Variants in C14orf39 observed in about 807,000 individuals in gnomAD.
The protein encoded by C14orf39 is protein SIX6OS1.
C14orf39 carries 66 observed loss-of-function variants against 85.6 expected under a neutral mutation model. That is an observed-to-expected ratio of 0.77 (90% CI 0.63 to 0.95). C14orf39 has a LOEUF of 0.95. C14orf39 is among the 40% of genes least tolerant of loss of function. The pLI is 0.00. For missense variants in C14orf39, 735 were observed against 663.9 expected (o/e 1.11, Z -1.18); for synonymous variants, 242 against 214.0 (o/e 1.13, Z -1.14).
chr14:60,490,438 T>TATAAATAA (rs761040121), upstream of C14orf39, among the ~76,000 whole-genome samples: 9 of 105,276 alleles, frequency 8.5e-5, no homozygotes, highest in African/African-American at 1.7e-4. Context: ...AACCCATCTC[T>TATAAATAA]ATAAATAAAT....
intron 1 of C14orf39, among the ~76,000 whole-genome samples, chr14:60,503,399 G>A (rs552868115): frequency 2.1e-4 from 32 of 152,204 alleles, no homozygotes; most frequent in African/African-American, 7.7e-4. Context: ...CCTTACACAC[G>A]GCAGGCATTA....
intron 16 of C14orf39, among the ~76,000 whole-genome samples, chr14:60,446,658 C>T (rs1890779388): frequency 6.6e-6 from 1 of 152,124 alleles, no homozygotes; most frequent in African/African-American, 2.4e-5. Flanking sequence ...GAAACTATTC[C>T]AATCAATAGA....
intron 16 of C14orf39, among the ~76,000 whole-genome samples, chr14:60,442,758 G>A (rs1890582009): frequency 6.6e-6 from 1 of 152,044 alleles, no homozygotes; most frequent in Admixed American, 6.5e-5. Context: ...AGTCACATGT[G>A]AATAAACACT....
intron 3 of C14orf39, 33 bp from the exon 4 acceptor site, chr14:60,483,850 A>G: frequency 7.2e-7 from 1 of 1,387,502 alleles, no homozygotes; most frequent in East Asian, 2.4e-5. Flanking sequence ...TTCTTAATGT[A>G]GAAATAATAA....
At position 60,491,093 on chromosome 14, in the gene C14orf39, G is replaced by GT. The variant is rs1208873929; in HGVS notation, c.-8-6008dup. Among the ~76,000 whole-genome samples the GT allele has an allele frequency of 6.6e-6, 1 of 152,146 alleles. No individual in the cohort carries two copies. Among genetic ancestry groups the GT allele is most frequent in the African/African-American group, 2.4e-5 (1 of 41,418 alleles). On this transcript the variant is annotated intron_variant, in intron 2 of 5. Coordinates refer to the C14orf39 transcript ENST00000556799. The surrounding 1 kb of genome is among the most constrained non-coding windows in gnomAD (Gnocchi z 4.5). ...CACCTATCCTGAGTTCCAGACCCAC[G>GT]TATCTAATTGCTGACGTGATAAGCT...
rs748322684 is a variant in C14orf39, at chr14:60,483,713, CCTCA to C, written c.207_210del (p.Ser69ArgfsTer53). On this transcript the variant is annotated frameshift_variant, in exon 4 of 18. Coordinates refer to ENST00000321731, the MANE Select transcript of C14orf39 (RefSeq NM_174978.3). LOFTEE classifies it high-confidence loss of function. ...CACTTTCTACAGTTGTCTTTAATCT[CCTCA>C]CTATGTTTACAGTAATGATCAATTT... The C allele has an allele frequency of 1.6e-5, 26 of 1,596,624 alleles. No homozygotes were observed. Among genetic ancestry groups the C allele is most frequent in the Non-Finnish European group, 2.1e-5 (24 of 1,170,162 alleles).
intron 16 of C14orf39, among the ~76,000 whole-genome samples, chr14:60,444,806 T>C (rs1566655186): frequency 6.6e-6 from 1 of 152,084 alleles, no homozygotes; most frequent in Non-Finnish European, 1.5e-5. Flanking sequence ...GAGAGAAAGG[T>C]CGGGTTACCC....
At chr14:60,452,958 C>T (rs1029658348) in intron 16 of C14orf39, among the ~76,000 whole-genome samples, 1 of 152,036 alleles carries the variant, frequency 6.6e-6, no homozygotes, top group Non-Finnish European at 1.5e-5. Context: ...TTCATTAAGA[C>T]TCATTTTATG....
intron 1 of C14orf39, 116 bp from the exon 2 acceptor site, chr14:60,485,202 C>A: frequency 1.2e-6 from 1 of 856,690 alleles, no homozygotes; most frequent in Non-Finnish European, 1.8e-6. Flanking sequence ...TGGGCAGAGC[C>A]AGAACTGGAA....
In C14orf39 at chr14:60,437,980, T is replaced by G. The variant is rs906135123; in HGVS notation, c.1562-933A>C. The stretch of plus-strand genomic sequence containing the variant: ...TAAATATACAAATATATTTTCAACA[T>G]CCTAATTCTAATTTAAAATTAATTA... On this transcript the variant is annotated intron_variant, in intron 17 of 17. Transcript: ENST00000321731. 2.0e-5 allele frequency among the ~76,000 whole-genome samples: 3 copies of G among 151,560 alleles called. No individual in the cohort carries two copies. In the East Asian group the frequency reaches 5.8e-4, roughly 29 times the overall value.
intron 2 of C14orf39, among the ~76,000 whole-genome samples, chr14:60,497,076 T>A (rs906005045): frequency 3.3e-5 from 5 of 152,174 alleles, no homozygotes; most frequent in Admixed American, 2.6e-4. Context: ...TTATACTAAC[T>A]CTACCTTCCT....
intron 2 of C14orf39, among the ~76,000 whole-genome samples, chr14:60,492,696 T>G (rs964318551): frequency 6.6e-6 from 1 of 152,128 alleles, no homozygotes; most frequent in Admixed American, 6.5e-5. Flanking sequence ...CGCAGGAGGA[T>G]GGCTTGAACC....
chr14:60,482,197 G>C (rs77105294), intron 4 of C14orf39, among the ~76,000 whole-genome samples: 3,606 of 152,284 alleles, frequency 0.024, 63 homozygotes, highest in Middle Eastern at 0.044. Context: ...AGTGTATCTA[G>C]GACACGGTAG....
At position 60,456,931 on chromosome 14, in the gene C14orf39, G is replaced by A. The variant is rs749546937; in HGVS notation, c.1344C>T (p.Thr448=). The A allele has an allele frequency of 3.2e-6, 5 of 1,567,720 alleles. No homozygotes were observed. The highest frequency in any genetic ancestry group is 1.2e-5 in the South Asian group (1 of 82,726). The part of the protein sequence containing the change: ...ESLEKIKFPK[T]PPFEINRNRN... ...TAAAATCCTACATTTCGAACGGGGG[G>A]GTTTTAGGGAATTTTATTTTCTCCA... Residue 448 remains threonine (T), a synonymous_variant, in exon 15 of 18, where the codon ACC becomes ACT. Coordinates refer to ENST00000321731, the MANE Select transcript of C14orf39 (RefSeq NM_174978.3).
At chr14:60,456,657 T>G (rs1045919840) in intron 15 of C14orf39, among the ~76,000 whole-genome samples, 1 of 152,018 alleles carries the variant, frequency 6.6e-6, no homozygotes, top group Non-Finnish European at 1.5e-5. Flanking sequence ...CAGCTAAATG[T>G]TGCAGGAAAA....
chr14:60,465,292 T>C (rs1891731441), intron 11 of C14orf39, among the ~76,000 whole-genome samples: 1 of 152,162 alleles, frequency 6.6e-6, no homozygotes, highest in Non-Finnish European at 1.5e-5. Flanking sequence ...ATATTTTTCA[T>C]TGAGGCTTTC....
In C14orf39 at chr14:60,466,905, C is replaced by T; in HGVS notation, c.895+12G>A. ...AAAAATGATGTTTTTGAATAACAAA[C>T]AGATATTATACCTGCAACTCTTGGT... On this transcript the variant is annotated intron_variant, in intron 10 of 17. Transcript: ENST00000321731. 1 of 1,460,248 alleles carries T rather than the reference C, an allele frequency of 6.8e-7. No homozygotes were observed. The highest frequency in any genetic ancestry group is 9.0e-7 in the Non-Finnish European group (1 of 1,107,258). 90.5% of individuals were successfully genotyped at this position (1,460,248 alleles called of 1,614,324 possible).
chr14:60,449,723 G>A (rs1275258588), intron 16 of C14orf39, among the ~76,000 whole-genome samples: 1 of 151,514 alleles, frequency 6.6e-6, no homozygotes. Context: ...CTCTTATTTT[G>A]TTTCTTCATT....
chr14:60,475,106 A>G (rs1370121467), intron 5 of C14orf39, among the ~76,000 whole-genome samples: 1 of 152,114 alleles, frequency 6.6e-6, no homozygotes, highest in Non-Finnish European at 1.5e-5. Flanking sequence ...CAGAGATTCA[A>G]CTTCTTCCTG....
Sources: gnomAD v4.1 joint callset for allele counts (sites outside exome capture counted in the v4.1 genomes callset) on GRCh38, gnomAD v4.1.1 for gene constraint, Gnocchi (gnomAD v3.1) non-coding constraint, MANE v1.5 for transcripts, NCBI Gene and HGNC (gene_info 2026-07-23, HGNC 2026-07-21) for gene names.